Variants in NFATC3 observed in about 807,000 individuals in gnomAD.
The protein encoded by NFATC3 is nuclear factor of activated T cells 3, also known as nuclear factor of activated T-cells, cytoplasmic 3.
Under a neutral mutation model 98.6 loss-of-function variants are expected in NFATC3, and 46 were observed. That is an observed-to-expected ratio of 0.47 (90% confidence interval 0.37 to 0.60). The LOEUF (loss-of-function observed/expected upper bound fraction) is 0.60. NFATC3 is among the 20% of genes least tolerant of loss of function. NFATC3 has a pLI of 0.00. For synonymous variants in NFATC3, 512 were observed against 472.2 expected (o/e 1.08, Z -1.09); for missense variants, 1,256 against 1,295.5 (o/e 0.97, Z 0.47).
intron 3 of NFATC3, among the ~76,000 whole-genome samples, chr16:68,152,106 T>A (rs1232921019): frequency 6.8e-6 from 1 of 147,484 alleles, no homozygotes; most frequent in Non-Finnish European, 1.5e-5. Context: ...CTCACGCCTA[T>A]AATCCCAGCA....
In NFATC3 at chr16:68,196,413, G is replaced by T. The variant is rs536403435; in HGVS notation, c.3106+4638G>T. On this transcript the variant is annotated intron_variant, in intron 9 of 9. Transcript: ENST00000346183. ...TGGGATTACAGGCATGAGCCACCAT[G>T]CCCAGCCTAAAATGAATTTTTGATA... 2.6e-4 allele frequency among the ~76,000 whole-genome samples: 39 copies of T among 152,270 alleles called. No homozygotes were observed. In the East Asian group the frequency reaches 6.6e-3, roughly 26 times the overall value.
chr16:68,106,110 T>A (rs1203869049), intron 1 of NFATC3, among the ~76,000 whole-genome samples: 1 of 152,026 alleles, frequency 6.6e-6, no homozygotes, highest in African/African-American at 2.4e-5. Flanking sequence ...CCTCAAGTGA[T>A]CCACCTGCTT....
intron 9 of NFATC3, among the ~76,000 whole-genome samples, chr16:68,213,182 G>A (rs748507548): frequency 2.7e-5 from 4 of 149,942 alleles, no homozygotes; most frequent in Non-Finnish European, 4.5e-5. Flanking sequence ...TTGGGAGGCC[G>A]AGGTGGGTGG....
At chr16:68,218,525 A>AG (rs2041724088) in intron 9 of NFATC3, among the ~76,000 whole-genome samples, 1 of 150,824 alleles carries the variant, frequency 6.6e-6, no homozygotes, top group Admixed American at 6.6e-5. Flanking sequence ...AAAAAAAAAA[A>AG]AAAAAAAAGG....
intron 1 of NFATC3, 41 bp from the exon 2 acceptor site, chr16:68,121,946 T>C (rs755460653): frequency 3.3e-6 from 5 of 1,527,002 alleles, no homozygotes; most frequent in Non-Finnish European, 4.4e-6. Flanking sequence ...TCTAATTTCT[T>C]GTTTTGTTGG....
chr16:68,188,113 G>T (rs984154578), intron 8 of NFATC3, among the ~76,000 whole-genome samples: 1 of 152,148 alleles, frequency 6.6e-6, no homozygotes, highest in Admixed American at 6.5e-5. Flanking sequence ...TACACACCCG[G>T]CTGGGTTGCA....
At position 68,166,883 on chromosome 16, in the gene NFATC3, A is replaced by G; in HGVS notation, c.1642A>G (p.Ile548Val). 1 of 1,614,136 alleles carries G rather than the reference A, an allele frequency of 6.2e-7. No homozygotes were observed. Among genetic ancestry groups the G allele is most frequent in the Non-Finnish European group, 8.5e-7 (1 of 1,179,994 alleles). ...AGILKLRNSD[I>V]ELRKGETDIG... The stretch of plus-strand genomic sequence containing the variant: ...TATTTTGAAACTCCGCAATTCAGAT[A>G]TAGAACTTCGAAAAGGAGAAACTGA... The change falls in exon 5 of 10, where the codon ATA (isoleucine) becomes GTA (valine). Residue 548 changes from isoleucine to valine, a missense_variant. Physicochemically the swap from Ile to Val is conservative, Grantham distance 29 (BLOSUM62 3). This residue lies in a region of NFATC3 where 156 missense variants were observed against 212.4 expected (regional missense o/e 0.73). Coordinates refer to ENST00000346183, the MANE Select transcript of NFATC3 (RefSeq NM_173165.3).
chr16:68,138,802 G>A (rs770460043), intron 3 of NFATC3: 1 of 1,248,184 alleles, frequency 8.0e-7, no homozygotes, highest in South Asian at 1.4e-5. Context: ...TGGTTAGTGT[G>A]CCTTCTATGC....
chr16:68,215,926 C>T (rs1019763461), intron 9 of NFATC3, among the ~76,000 whole-genome samples: 1 of 151,962 alleles, frequency 6.6e-6, no homozygotes, highest in Non-Finnish European at 1.5e-5. Context: ...GATGGGGTTT[C>T]ACTGTGTTAG....
rs780479578 is a variant in NFATC3 at position 68,191,411 on chromosome 16, A to G, written c.2742A>G (p.Thr914=). 1.2e-6 allele frequency: 2 copies of G among 1,614,144 alleles called. No homozygotes were observed. The highest frequency in any genetic ancestry group is 1.1e-5 in the South Asian group (1 of 91,086). ...GQPSSQLQPI[T]YGPSHSGSAT... ...CTTCGTCTCAGTTACAACCTATTAC[A>G]TATGGTCCTTCACATTCAGGGTCTG... is the stretch of plus-strand genomic sequence containing the variant. Residue 914 remains threonine, a synonymous_variant, in exon 9 of 10, where the codon ACA becomes ACG. Coordinates refer to ENST00000346183, the MANE Select transcript of NFATC3 (RefSeq NM_173165.3).
At chr16:68,092,691 GA>G (rs1197767517) in intron 1 of NFATC3, among the ~76,000 whole-genome samples, 1 of 152,170 alleles carries the variant, frequency 6.6e-6, no homozygotes, top group East Asian at 1.9e-4. Context: ...AGGGATTCTA[GA>G]CCAGTCTGGA....
intron 4 of NFATC3, among the ~76,000 whole-genome samples, chr16:68,158,285 T>C (rs530043671): frequency 6.6e-6 from 1 of 152,188 alleles, no homozygotes; most frequent in African/African-American, 2.4e-5. Flanking sequence ...AGCCAAGCCA[T>C]TATCCTAGGT....
chr16:68,221,930 A>G (rs2041878279), intron 9 of NFATC3, among the ~76,000 whole-genome samples: 1 of 152,168 alleles, frequency 6.6e-6, no homozygotes. Flanking sequence ...AAGTGGATGG[A>G]CAGTGCCAGA....
intron 1 of NFATC3, among the ~76,000 whole-genome samples, chr16:68,110,320 T>G (rs1463176673): frequency 6.7e-6 from 1 of 150,000 alleles, no homozygotes; most frequent in Non-Finnish European, 1.5e-5. Flanking sequence ...TTTTTTTTTT[T>G]TTTTTCGAGA....
At chr16:68,126,406 T>G in intron 2 of NFATC3, 42 bp from the exon 3 acceptor site, 5 of 1,567,980 alleles carry the variant, frequency 3.2e-6, no homozygotes, top group Non-Finnish European at 8.7e-7. Flanking sequence ...TGCTTGGCAA[T>G]AATAGCATGG....
At chr16:68,199,292 T>C (rs1014136438) in intron 9 of NFATC3, among the ~76,000 whole-genome samples, 22 of 145,624 alleles carry the variant, frequency 1.5e-4, no homozygotes, top group Middle Eastern at 4.1e-3. Context: ...GGCGCGATCT[T>C]GGCTCACTGC....
chr16:68,139,457 GGTTT>G (rs2037628391), intron 3 of NFATC3, among the ~76,000 whole-genome samples: 1 of 152,142 alleles, frequency 6.6e-6, no homozygotes, highest in South Asian at 2.1e-4. Flanking sequence ...AATTAAGCTA[GGTTT>G]GTTACTGACA....
chr16:68,174,445 C>A lies in NFATC3; in HGVS notation c.1846C>A (p.His616Asn). The A allele has an allele frequency of 6.2e-7, 1 of 1,606,522 alleles. No individual in the cohort carries two copies. Among genetic ancestry groups the A allele is most frequent in the South Asian group, 1.1e-5 (1 of 89,234 alleles). The stretch of plus-strand genomic sequence containing the variant: ...CAACAGTTGTTCTGTAAATGGAGGT[C>A]ATGAAATGGTTGTGACTGGATCTAA... ...SINSCSVNGG[H>N]EMVVTGSNFL... The change falls in exon 6 of 10, where the codon CAT becomes AAT. Residue 616 changes from histidine to asparagine, a missense_variant. By Grantham distance (68) the His-to-Asn change is moderately conservative (BLOSUM62 1). Around this residue, in one of 3 missense-constraint regions of NFATC3, gnomAD observed 636 missense variants for 617.3 expected, o/e 1.03. Coordinates refer to ENST00000346183, the MANE Select transcript of NFATC3 (RefSeq NM_173165.3).
At chr16:68,107,730 T>TATA (rs531308268) in intron 1 of NFATC3, among the ~76,000 whole-genome samples, 2,760 of 150,756 alleles carry the variant, frequency 0.018, 38 homozygotes, top group Middle Eastern at 0.11. Flanking sequence ...ATCAAAAAAA[T>TATA]ATAATAATAA....
Sources: allele counts gnomAD v4.1 joint callset (sites outside exome capture counted in the v4.1 genomes callset), GRCh38; gene constraint gnomAD v4.1.1; regional missense constraint gnomAD v4.1.1; transcripts MANE v1.5; gene names NCBI Gene and HGNC (gene_info 2026-07-23, HGNC 2026-07-21).